The following CSMD3 variants were observed in gnomAD, a reference collection of about 807,000 sequenced individuals.
CSMD3 encodes the protein CUB and sushi domain-containing protein 3.
A neutral mutation model predicts 435.2 loss-of-function variants in CSMD3; 177 were observed. The ratio of observed to expected loss-of-function variants is 0.41; its 90% CI spans 0.36 to 0.46. CSMD3 has a LOEUF of 0.46. Ranked by LOEUF, CSMD3 falls within the 20% of genes least tolerant of loss-of-function variation. The pLI is 0.34. For missense variants in CSMD3, 4,265 were observed against 4,504.6 expected, an observed-to-expected ratio of 0.95 and a Z score of 1.52; for synonymous variants, 1,656 against 1,520.5, an observed-to-expected ratio of 1.09 and a Z score of -2.07.
At chr8:113,146,468 C>G (rs2091676066) in intron 4 of CSMD3, among the ~76,000 whole-genome samples, 1 of 151,476 alleles carries the variant, frequency 6.6e-6, no homozygotes, top group South Asian at 2.1e-4. Context: ...AGAGAATACA[C>G]TTTTAAAAGC....
At chr8:113,275,185 G>A (rs570383122) in intron 3 of CSMD3, among the ~76,000 whole-genome samples, 1 of 151,974 alleles carries the variant, frequency 6.6e-6, no homozygotes, top group South Asian at 2.1e-4. Context: ...TATGAAGTAG[G>A]GAGAATTATT....
At chr8:112,565,809 T>C (rs1378957232) in intron 24 of CSMD3, among the ~76,000 whole-genome samples, 6 of 152,034 alleles carry the variant, frequency 3.9e-5, no homozygotes, top group Non-Finnish European at 4.4e-5. Context: ...CAATTCCTTT[T>C]TACAAAATAA....
intron 13 of CSMD3, among the ~76,000 whole-genome samples, chr8:112,717,713 C>T (rs1201799093): frequency 6.6e-6 from 1 of 152,070 alleles, no homozygotes; most frequent in Non-Finnish European, 1.5e-5. Flanking sequence ...ACATATACAC[C>T]ATGGAATACT....
At chr8:112,647,052 A>G (rs2074999412) in intron 19 of CSMD3, among the ~76,000 whole-genome samples, 1 of 150,830 alleles carries the variant, frequency 6.6e-6, no homozygotes, top group African/African-American at 2.4e-5. Flanking sequence ...TATTCGGTTT[A>G]CAGATGAGAA....
chr8:112,822,379 G>A (rs1018917393), intron 12 of CSMD3, among the ~76,000 whole-genome samples: 2 of 151,984 alleles, frequency 1.3e-5, no homozygotes, highest in Non-Finnish European at 2.9e-5. Flanking sequence ...TCCCTTGTAA[G>A]TTGTATTCCT....
intron 13 of CSMD3, among the ~76,000 whole-genome samples, chr8:112,776,410 C>A (rs1465498489): frequency 6.6e-6 from 1 of 151,650 alleles, no homozygotes; most frequent in East Asian, 1.9e-4. Flanking sequence ...TAAGCTTCAA[C>A]TTGACTAAGA....
intron 49 of CSMD3, 67 bp from the exon 50 acceptor site, chr8:112,311,233 C>T (rs1242431612): frequency 2.7e-5 from 35 of 1,313,646 alleles, no homozygotes; most frequent in Non-Finnish European, 3.7e-5. Context: ...AAGTGATAAA[C>T]ACCTATACAG....
At chr8:112,543,582 G>C (rs1056667600) in intron 27 of CSMD3, among the ~76,000 whole-genome samples, 20 of 152,052 alleles carry the variant, frequency 1.3e-4, no homozygotes, top group African/African-American at 4.1e-4. Context: ...AAAAAAAGGT[G>C]TTGGCAAGAA....
At chr8:112,277,245 C>G (rs1224774588) in intron 59 of CSMD3, among the ~76,000 whole-genome samples, 1 of 152,164 alleles carries the variant, frequency 6.6e-6, no homozygotes, top group Non-Finnish European at 1.5e-5. Flanking sequence ...CTCCTGAATG[C>G]TTTGCTGCTT....
Position 112,636,933 on chromosome 8 carries a change from A to G in CSMD3, c.3599T>C (p.Ile1200Thr), listed in dbSNP as rs776370883. Residue 1200 changes from isoleucine (I) to threonine (T), a missense_variant, in exon 22 of 71, where the codon ATT (isoleucine) becomes ACT (threonine). This residue lies in a region of CSMD3 where 3,255 missense variants were observed against 3,380.2 expected (regional missense o/e 0.96). Coordinates refer to ENST00000297405, the MANE Select transcript of CSMD3 (RefSeq NM_198123.2). ...GCATGAGAAGGTCAGAGTGTCACCAATCCCAAAGTTGAACCCGATTCGACT... is the reference window on the plus strand; with the variant it reads ...GCATGAGAAGGTCAGAGTGTCACCAGTCCCAAAGTTGAACCCGATTCGACT... Reference protein sequence around the residue: ...YGSRIGFNFGIGDTLTFSCSS... With the variant: ...YGSRIGFNFGTGDTLTFSCSS... 5.0e-6 allele frequency: 8 copies of G among 1,613,684 alleles called. No individual in the cohort carries two copies. The highest frequency in any genetic ancestry group is 3.3e-5 in the South Asian group (3 of 91,066).
intron 6 of CSMD3, among the ~76,000 whole-genome samples, chr8:113,011,626 C>T (rs2131129446): frequency 6.6e-6 from 1 of 151,830 alleles, no homozygotes; most frequent in Admixed American, 6.6e-5. Context: ...CATTTATAAA[C>T]TTTCCCAGTA....
chr8:112,909,733 C>T (rs142848496), intron 10 of CSMD3, among the ~76,000 whole-genome samples: 1 of 151,920 alleles, frequency 6.6e-6, no homozygotes, highest in African/African-American at 2.4e-5. Flanking sequence ...GTTCTGACCT[C>T]ATTTCATTTC....
intron 45 of CSMD3, among the ~76,000 whole-genome samples, chr8:112,322,543 T>C (rs1351398393): frequency 6.6e-6 from 1 of 152,082 alleles, no homozygotes; most frequent in Non-Finnish European, 1.5e-5. Context: ...TTATCAATTG[T>C]ATAAATTTGA....
chr8:112,511,384 C>CT lies in CSMD3; in HGVS notation c.4757-4556dup, dbSNP rs34548150. On this transcript the variant is annotated intron_variant, in intron 28 of 70. Coordinates refer to ENST00000297405, the MANE Select transcript of CSMD3 (RefSeq NM_198123.2). ...TGGGGTAGCTGTGGCATTTTCTTTT[C>CT]TTTTTTTTTTTTTTTTTTTTTTTGA... Among the ~76,000 whole-genome samples, 718 of 72,370 alleles carry CT rather than the reference C, an allele frequency of 9.9e-3. 9 individuals are homozygous for CT. Among genetic ancestry groups the CT allele is most frequent in the African/African-American group, 0.028 (456 of 16,330 alleles). 47.5% of individuals were successfully genotyped at this position (72,370 alleles called of 152,430 possible).
At chr8:113,212,843 T>G (rs1392705994) in intron 3 of CSMD3, among the ~76,000 whole-genome samples, 1 of 150,544 alleles carries the variant, frequency 6.6e-6, no homozygotes, top group Non-Finnish European at 1.5e-5. Context: ...CATATGTAAC[T>G]AACCTGCACA....
chr8:112,348,886 G>A (rs1360844881), intron 40 of CSMD3, among the ~76,000 whole-genome samples: 1 of 151,908 alleles, frequency 6.6e-6, no homozygotes. Context: ...CTGTCTTATG[G>A]TGCTGAGAAA....
At chr8:112,993,648 A>G (rs1166847561) in intron 6 of CSMD3, among the ~76,000 whole-genome samples, 1 of 151,850 alleles carries the variant, frequency 6.6e-6, no homozygotes, top group African/African-American at 2.4e-5. Flanking sequence ...AAACCCATAA[A>G]TTAACAAAGA....
intron 18 of CSMD3, among the ~76,000 whole-genome samples, chr8:112,654,072 G>T (rs989172545): frequency 6.6e-6 from 1 of 152,100 alleles, no homozygotes; most frequent in Non-Finnish European, 1.5e-5. Context: ...ACAAACAATG[G>T]TGGCATTGCA....
At chr8:112,588,953 T>C (rs950554710) in intron 22 of CSMD3, among the ~76,000 whole-genome samples, 1 of 152,166 alleles carries the variant, frequency 6.6e-6, no homozygotes, top group East Asian at 1.9e-4. Flanking sequence ...AAGACAAATG[T>C]AATCTGGATT....
Sources: gnomAD v4.1 joint callset for allele counts (sites outside exome capture counted in the v4.1 genomes callset) on GRCh38, gnomAD v4.1.1 for gene constraint, gnomAD v4.1.1 regional missense constraint, MANE v1.5 for transcripts, NCBI Gene and HGNC (gene_info 2026-07-23, HGNC 2026-07-21) for gene names.